AMBRA1: variants seen among roughly 807,000 people sequenced by gnomAD.
The protein encoded by AMBRA1 is activating molecule in BECN1-regulated autophagy protein 1.
A neutral mutation model predicts 125.4 loss-of-function variants in AMBRA1; 47 were observed. The observed-to-expected ratio is 0.37, with a 90% CI of 0.30 to 0.48. The LOEUF is 0.48. Ranked by LOEUF, AMBRA1 falls within the 20% of genes least tolerant of loss-of-function variation. The pLI, the probability that AMBRA1 is intolerant of heterozygous loss-of-function variation, is 0.99. For synonymous variants in AMBRA1, 626 were observed against 655.5 expected, an observed-to-expected ratio of 0.95 and a Z score of 0.69; for missense variants, 1,331 against 1,693.4, an observed-to-expected ratio of 0.79 and a Z score of 3.76.
At chr11:46,439,766 G>A (rs1197367468) in intron 12 of AMBRA1, among the ~76,000 whole-genome samples, 1 of 152,172 alleles carries the variant, frequency 6.6e-6, no homozygotes, top group Non-Finnish European at 1.5e-5. Context: ...CTGTAAAATT[G>A]CTAAGGAAAA....
At chr11:46,473,514 A>G (rs1264245042) in intron 11 of AMBRA1, among the ~76,000 whole-genome samples, 1 of 152,250 alleles carries the variant, frequency 6.6e-6, no homozygotes, top group Non-Finnish European at 1.5e-5. Flanking sequence ...TCTTCCTGTT[A>G]CTTGTGGGGG....
At chr11:46,578,394 A>G (rs773792114) in intron 1 of AMBRA1, among the ~76,000 whole-genome samples, 1 of 150,620 alleles carries the variant, frequency 6.6e-6, no homozygotes, top group Non-Finnish European at 1.5e-5. Flanking sequence ...GGCTGAGGCA[A>G]CAGAGTTGCT....
At chr11:46,512,547 G>C (rs978326019) in intron 8 of AMBRA1, among the ~76,000 whole-genome samples, 180 bp downstream of exon 8, 5 of 152,134 alleles carry the variant, frequency 3.3e-5, no homozygotes, top group African/African-American at 1.2e-4. Flanking sequence ...TCTGTCACCA[G>C]AGGTACTGTT....
In AMBRA1 at chr11:46,508,320, C is replaced by T. The variant is rs758225363; in HGVS notation, c.2210G>A (p.Arg737Gln). The T allele has an allele frequency of 4.3e-6, 7 of 1,614,018 alleles. No individual in the cohort carries two copies. Among genetic ancestry groups the T allele is most frequent in the East Asian group, 4.5e-5 (2 of 44,888 alleles). ...GGAGCGCTGGCGAATACTGTCTCTCCGTGAGAGATACTGGATCATCCTCTG... is the reference window on the plus strand; with the variant it reads ...GGAGCGCTGGCGAATACTGTCTCTCTGTGAGAGATACTGGATCATCCTCTG... Reference protein sequence around the residue: ...YAQRMIQYLSRRDSIRQRSMR... With the variant: ...YAQRMIQYLSQRDSIRQRSMR... Residue 737 changes from arginine (R) to glutamine (Q), a missense_variant, in exon 9 of 18, where the codon CGG (arginine) becomes CAG (glutamine). By Grantham distance (43) the Arg-to-Gln change is conservative. This residue lies in a region of AMBRA1 where 689 missense variants were observed against 776.5 expected (regional missense o/e 0.89). Coordinates refer to ENST00000683756, the MANE Select transcript of AMBRA1 (RefSeq NM_001387011.1).
chr11:46,444,067 C>CT (rs1948155518), intron 11 of AMBRA1, among the ~76,000 whole-genome samples: 1 of 152,198 alleles, frequency 6.6e-6, no homozygotes, highest in African/African-American at 2.4e-5. Context: ...CACTTTCTTC[C>CT]TAATAGGACA....
At chr11:46,560,292 A>G (rs1288685297) in intron 1 of AMBRA1, among the ~76,000 whole-genome samples, 1 of 152,248 alleles carries the variant, frequency 6.6e-6, no homozygotes, top group Non-Finnish European at 1.5e-5. Flanking sequence ...TGTATAGGAT[A>G]TATCACAAAT....
intron 7 of AMBRA1, among the ~76,000 whole-genome samples, chr11:46,536,601 G>A (rs983949606): frequency 1.8e-4 from 27 of 152,094 alleles, no homozygotes; most frequent in African/African-American, 3.9e-4. Flanking sequence ...TTAGGTTGCC[G>A]GCCCCCTTTT....
intron 1 of AMBRA1, among the ~76,000 whole-genome samples, chr11:46,584,518 TATA>T (rs571769164): frequency 7.1e-4 from 108 of 151,110 alleles, no homozygotes; most frequent in Admixed American, 1.2e-3. Context: ...AAACTTGAAG[TATA>T]ATAATAATAA....
Position 46,543,062 on chromosome 11 carries a change from C to T in AMBRA1, c.955G>A (p.Val319Ile). 1 of 1,598,406 alleles carries T rather than the reference C, an allele frequency of 6.3e-7. No homozygotes were observed. Among genetic ancestry groups the T allele is most frequent in the Non-Finnish European group, 8.5e-7 (1 of 1,179,444 alleles). The change falls in exon 7 of 18, where the codon GTT becomes ATT. Residue 319 changes from valine (V) to isoleucine (I), a missense_variant. Transcript: ENST00000683756. Reference protein sequence around the residue: ...CLCSRCSGTRVPSLLPHQDSV... With the variant: ...CLCSRCSGTRIPSLLPHQDSV... Reference sequence around the variant, plus strand: ...TCCTGGTGTGGCAAGAGGGAAGGAACTCGAGTGCCAGAGCAGCGGCTGCAA... The same window carrying T: ...TCCTGGTGTGGCAAGAGGGAAGGAATTCGAGTGCCAGAGCAGCGGCTGCAA...
intron 14 of AMBRA1, among the ~76,000 whole-genome samples, chr11:46,427,332 C>T (rs1947190712): frequency 6.6e-6 from 1 of 152,194 alleles, no homozygotes; most frequent in Non-Finnish European, 1.5e-5. Context: ...GCAGCAGCAG[C>T]AGCAGCCATC....
intron 1 of AMBRA1, among the ~76,000 whole-genome samples, chr11:46,559,079 C>A (rs1412879992): frequency 6.6e-6 from 1 of 152,152 alleles, no homozygotes; most frequent in Non-Finnish European, 1.5e-5. Context: ...TCGGGTGGAT[C>A]ACCTGAGGTC....
chr11:46,537,756 C>T (rs1179401669), intron 7 of AMBRA1, among the ~76,000 whole-genome samples: 3 of 152,212 alleles, frequency 2.0e-5, no homozygotes, highest in Non-Finnish European at 4.4e-5. Flanking sequence ...TATCAATACC[C>T]TCACTATTTG....
chr11:46,534,404 A>G (rs543164833), intron 7 of AMBRA1, among the ~76,000 whole-genome samples: 1 of 152,202 alleles, frequency 6.6e-6, no homozygotes, highest in East Asian at 1.9e-4. Flanking sequence ...CTGAGGCAAA[A>G]GAATCACTTG....
intron 12 of AMBRA1, among the ~76,000 whole-genome samples, chr11:46,443,203 G>C (rs925804568): frequency 2.0e-5 from 3 of 152,206 alleles, no homozygotes; most frequent in Non-Finnish European, 4.4e-5. Flanking sequence ...GAAAGAGAAG[G>C]GAGTGTAGGA....
At chr11:46,547,444 A>G in intron 3 of AMBRA1, 148 bp from the exon 4 acceptor site, 6 of 695,018 alleles carry the variant, frequency 8.6e-6, no homozygotes, top group Non-Finnish European at 1.4e-5. Flanking sequence ...TATATCTACA[A>G]ACAGAAATAT....
At chr11:46,402,430 C>G (rs34445491) in intron 17 of AMBRA1, among the ~76,000 whole-genome samples, 7,432 of 152,174 alleles carry the variant, frequency 0.049, 229 homozygotes, top group Non-Finnish European at 0.075. Flanking sequence ...GGCGAGATCT[C>G]AGCTCACTAC....
intron 4 of AMBRA1, chr11:46,546,029 A>ATT: frequency 4.5e-6 from 1 of 222,336 alleles, no homozygotes; most frequent in Admixed American, 6.2e-5. Context: ...CACAGTTCCT[A>ATT]TTTCTTTTTT....
Position 46,531,444 on chromosome 11 carries a change from T to G in AMBRA1, c.2072+10501A>C, listed in dbSNP as rs543356751. On this transcript the variant is annotated intron_variant, in intron 7 of 17. Transcript: ENST00000683756. ...ACAGAATGAGGCTGGGCGCGGTGGCTCACGCCTGTAATCCCAGCACTTTGG... is the reference window on the plus strand; with the variant it reads ...ACAGAATGAGGCTGGGCGCGGTGGCGCACGCCTGTAATCCCAGCACTTTGG... Among the ~76,000 whole-genome samples the G allele has an allele frequency of 4.6e-5, 7 of 151,928 alleles. No individual in the cohort carries two copies. The South Asian group carries it at 1.5e-3, about 32-fold the overall frequency.
At chr11:46,575,960 C>T (rs1173259685) in intron 1 of AMBRA1, among the ~76,000 whole-genome samples, 1 of 152,188 alleles carries the variant, frequency 6.6e-6, no homozygotes, top group Admixed American at 6.5e-5. Context: ...CCCATTTCTT[C>T]ATGTATAACC....
Sources: allele counts gnomAD v4.1 joint callset (sites outside exome capture counted in the v4.1 genomes callset), GRCh38; gene constraint gnomAD v4.1.1; regional missense constraint gnomAD v4.1.1; transcripts MANE v1.5; gene names NCBI Gene and HGNC (gene_info 2026-07-23, HGNC 2026-07-21).